The following IL21R variants were observed in gnomAD, a reference collection of about 807,000 sequenced individuals.
IL21R encodes the protein interleukin-21 receptor.
Under a neutral mutation model 41.3 loss-of-function variants are expected in IL21R, and 14 were observed. That is an observed-to-expected ratio of 0.34 (90% CI 0.22 to 0.53). The LOEUF (loss-of-function observed/expected upper bound fraction) is 0.53. IL21R is among the 20% of genes least tolerant of loss of function. The pLI, the probability that IL21R is intolerant of heterozygous loss-of-function variation, is 0.94. For synonymous variants in IL21R, 286 were observed against 287.6 expected, an observed-to-expected ratio of 0.99 and a Z score of 0.05; for missense variants, 588 against 681.6, an observed-to-expected ratio of 0.86 and a Z score of 1.53.
At chr16:27,421,853 T>G (rs2087005755) in intron 1 of IL21R, among the ~76,000 whole-genome samples, 1 of 152,118 alleles carries the variant, frequency 6.6e-6, no homozygotes, top group East Asian at 1.9e-4. Flanking sequence ...AGTCTTTTAT[T>G]TCTTTTCCTT....
At chr16:27,417,899 C>T (rs1315331250) in intron 1 of IL21R, among the ~76,000 whole-genome samples, 1 of 152,118 alleles carries the variant, frequency 6.6e-6, no homozygotes, top group Non-Finnish European at 1.5e-5. Context: ...CAGGACATTG[C>T]TGTACACTCC....
chr16:27,434,490 A>G (rs758826209), intron 3 of IL21R, 41 bp downstream of exon 3: 1 of 1,301,118 alleles, frequency 7.7e-7, no homozygotes, highest in South Asian at 1.2e-5. Flanking sequence ...GATGCAATTC[A>G]GGGTGCCTGC....
chr16:27,447,083 C>T (rs765548355), intron 8 of IL21R, among the ~76,000 whole-genome samples: 10 of 152,234 alleles, frequency 6.6e-5, no homozygotes, highest in Admixed American at 4.6e-4. Context: ...GGATGTTCCA[C>T]TGCCCCCAGG....
In IL21R at chr16:27,450,723, C is replaced by T. The variant is rs2087581127; in HGVS notation, c.*1440C>T. The T allele has an allele frequency of 1.3e-5, 3 of 223,448 alleles. No individual in the cohort carries two copies. Among genetic ancestry groups the T allele is most frequent in the Admixed American group, 5.8e-5 (1 of 17,386 alleles). 13.8% of individuals were successfully genotyped at this position (223,448 alleles called of 1,614,324 possible). ...GTCAGCCCCAGAGTAGCTGGAATTACAGGCACACACCACCACGCCTGGCTA... is the reference window on the plus strand; with the variant it reads ...GTCAGCCCCAGAGTAGCTGGAATTATAGGCACACACCACCACGCCTGGCTA... On this transcript the variant is annotated 3_prime_UTR_variant, in exon 9 of 9. Coordinates refer to ENST00000337929, the MANE Select transcript of IL21R (RefSeq NM_181078.3).
chr16:27,437,112 C>T (rs1245239238), intron 3 of IL21R, among the ~76,000 whole-genome samples: 1 of 152,074 alleles, frequency 6.6e-6, no homozygotes, highest in Non-Finnish European at 1.5e-5. Context: ...AGAAGGAAAC[C>T]CAAAATGCCT....
At chr16:27,447,225 A>T in intron 8 of IL21R, among the ~76,000 whole-genome samples, 1 of 152,170 alleles carries the variant, frequency 6.6e-6, no homozygotes, top group East Asian at 1.9e-4. Flanking sequence ...ATACTCATAT[A>T]GCACTTGCTA....
chr16:27,413,380 T>C (rs941865810), intron 1 of IL21R, among the ~76,000 whole-genome samples: 2 of 152,136 alleles, frequency 1.3e-5, no homozygotes, highest in African/African-American at 4.8e-5. Flanking sequence ...TTGAGGATTT[T>C]TGCATCAGTA....
At chr16:27,422,567 A>G (rs561451685) in intron 1 of IL21R, among the ~76,000 whole-genome samples, 1 of 152,182 alleles carries the variant, frequency 6.6e-6, no homozygotes, top group Non-Finnish European at 1.5e-5. Context: ...TATGTTGCCA[A>G]ATCCATCTCT....
intron 8 of IL21R, 124 bp from the exon 9 acceptor site, chr16:27,448,410 G>GC: frequency 9.9e-7 from 1 of 1,011,026 alleles, no homozygotes; most frequent in Non-Finnish European, 1.4e-6. Flanking sequence ...AACCGAGATG[G>GC]CACCACTGCA....
intron 1 of IL21R, among the ~76,000 whole-genome samples, chr16:27,408,276 T>C (rs1164598151): frequency 2.6e-5 from 4 of 152,100 alleles, no homozygotes; most frequent in Non-Finnish European, 4.4e-5. Flanking sequence ...AGGCTAACAG[T>C]CAGTCAAAAA....
rs965279248 is a variant in IL21R, at chr16:27,451,667, T to C, written c.*2384T>C. 1 of 223,398 alleles carries C rather than the reference T, an allele frequency of 4.5e-6. No homozygotes were observed. The highest frequency in any genetic ancestry group is 8.9e-6 in the Non-Finnish European group (1 of 111,906). The allele number at this position is 223,398 out of a possible 1,614,324, so 13.8% of individuals were successfully genotyped here. Reference sequence around the variant, plus strand: ...CCAGGAATTTGAGGCTGCAGTGAGCTGTGATTACACCGTTGCACTCCAGCC... The same window carrying C: ...CCAGGAATTTGAGGCTGCAGTGAGCCGTGATTACACCGTTGCACTCCAGCC... On this transcript the variant is annotated 3_prime_UTR_variant, in exon 9 of 9. Transcript: ENST00000337929.
At chr16:27,434,150 G>A (rs2087223295) in intron 2 of IL21R, among the ~76,000 whole-genome samples, 197 bp from the exon 3 acceptor site, 1 of 147,946 alleles carries the variant, frequency 6.8e-6, no homozygotes, top group African/African-American at 2.6e-5. Flanking sequence ...AAACATTGGT[G>A]CTCAAACAAG....
intron 4 of IL21R, among the ~76,000 whole-genome samples, chr16:27,441,193 T>C (rs2087383517): frequency 6.6e-6 from 1 of 152,150 alleles, no homozygotes; most frequent in South Asian, 2.1e-4. Context: ...CTGACACTAA[T>C]AGACACTTGT....
At chr16:27,415,137 A>G (rs1388210626) in intron 1 of IL21R, among the ~76,000 whole-genome samples, 1 of 152,226 alleles carries the variant, frequency 6.6e-6, no homozygotes, top group Non-Finnish European at 1.5e-5. Flanking sequence ...GAAGAGGACC[A>G]ACTATTAACA....
rs538080167 is a variant in IL21R at position 27,444,535 on chromosome 16, C to A, written c.508-7C>A. 1.4e-5 allele frequency: 20 copies of A among 1,477,516 alleles called. No individual in the cohort carries two copies. Among genetic ancestry groups the A allele is most frequent in the Non-Finnish European group, 1.7e-5 (19 of 1,109,946 alleles). The allele number at this position is 1,477,516 out of a possible 1,614,324, so 91.5% of individuals were successfully genotyped here. ...TGACCTGGTGCATCCTTTCCTTGTA[C>A]TGGCAGAGTCCGAGGAGAAAGCTGA... On this transcript the variant is annotated splice_polypyrimidine_tract_variant and splice_region_variant and intron_variant, in intron 5 of 8. Coordinates refer to ENST00000337929, the MANE Select transcript of IL21R (RefSeq NM_181078.3).
At position 27,449,331 on chromosome 16, in the gene IL21R, CCA is replaced by C. The variant is rs775515407; in HGVS notation, c.*49_*50del. The C allele has an allele frequency of 6.6e-7, 1 of 1,522,342 alleles. No individual in the cohort carries two copies. The highest frequency in any genetic ancestry group is 8.8e-7 in the Non-Finnish European group (1 of 1,139,102). The allele number at this position is 1,522,342 out of a possible 1,614,324, so 94.3% of individuals were successfully genotyped here. On this transcript the variant is annotated 3_prime_UTR_variant, in exon 9 of 9. Transcript: ENST00000337929. ...GCTGGCCAGGCCACTGGGCCCTGAGCCAGAGACAAGGTCACCTGGGCTGTGAT... is the reference window on the plus strand; with the variant it reads ...GCTGGCCAGGCCACTGGGCCCTGAGCGAGACAAGGTCACCTGGGCTGTGAT...
chr16:27,451,139 C>CGTGAGCCTGGGATCGGGGGGTGGGAG lies in IL21R; in HGVS notation c.*1856_*1857insGTGAGCCTGGGATCGGGGGGTGGGAG, dbSNP rs1567377079. ...CAGGCGCAGCCCTCAACACCCCGTG[C>CGTGAGCCTGGGATCGGGGGGTGGGAG]ACCTGCACCCTAGGGACTCTTGGGT... is the stretch of plus-strand genomic sequence containing the variant. On this transcript the variant is annotated 3_prime_UTR_variant, in exon 9 of 9. Transcript: ENST00000337929. 4.3e-6 allele frequency: 1 copy of CGTGAGCCTGGGATCGGGGGGTGGGAG among 232,568 alleles called. No homozygotes were observed. Among genetic ancestry groups the CGTGAGCCTGGGATCGGGGGGTGGGAG allele is most frequent in the African/African-American group, 2.2e-5 (1 of 45,264 alleles). The allele number at this position is 232,568 out of a possible 1,614,324, so 14.4% of individuals were successfully genotyped here. A position where few individuals can be genotyped will look rare whatever the true frequency, so the allele number is the denominator to read the frequency against.
At position 27,427,233 on chromosome 16, in the gene IL21R, G is replaced by A. The variant is rs978412206; in HGVS notation, c.-16-2823G>A. On this transcript the variant is annotated intron_variant, in intron 1 of 8. Transcript: ENST00000337929. ...CAGGAGCCCACTTTGTGGAGCATGG[G>A]GTGGAGTCAGCCTCAGGCAAACCAC... 28 of 957,862 alleles carry A rather than the reference G, an allele frequency of 2.9e-5. 1 individual carries two copies. The South Asian group carries it at 1.3e-3, about 46-fold the overall frequency. 59.3% of individuals were successfully genotyped at this position (957,862 alleles called of 1,614,324 possible). A position where few individuals can be genotyped will look rare whatever the true frequency, so the allele number is the denominator to read the frequency against.
chr16:27,450,686 G>C lies in IL21R; in HGVS notation c.*1403G>C, dbSNP rs2087580323. 1 of 220,510 alleles carries C rather than the reference G, an allele frequency of 4.5e-6. No homozygotes were observed. The highest frequency in any genetic ancestry group is 9.1e-6 in the Non-Finnish European group (1 of 110,280). The allele number at this position is 220,510 out of a possible 1,614,324, so 13.7% of individuals were successfully genotyped here. A position where few individuals can be genotyped will look rare whatever the true frequency, so the allele number is the denominator to read the frequency against. On this transcript the variant is annotated 3_prime_UTR_variant, in exon 9 of 9. Coordinates refer to ENST00000337929, the MANE Select transcript of IL21R (RefSeq NM_181078.3). Reference sequence around the variant, plus strand: ...TGCAACCTCTGTCTCCCGGGTTCAAGCGATTTCCTGCGTCAGCCCCAGAGT... The same window carrying C: ...TGCAACCTCTGTCTCCCGGGTTCAACCGATTTCCTGCGTCAGCCCCAGAGT...
Sources: gnomAD v4.1 joint callset for allele counts (sites outside exome capture counted in the v4.1 genomes callset) on GRCh38, gnomAD v4.1.1 for gene constraint, MANE v1.5 for transcripts, NCBI Gene and HGNC (gene_info 2026-07-23, HGNC 2026-07-21) for gene names.